The following CLASP1 variants were observed in gnomAD, a reference collection of about 807,000 sequenced individuals.
CLASP1 encodes the protein CLIP-associating protein 1.
A neutral mutation model predicts 192.3 loss-of-function variants in CLASP1; 38 were observed. That is an observed-to-expected ratio of 0.20 (90% CI 0.15 to 0.26). CLASP1 has a LOEUF of 0.26. Ranked by LOEUF, CLASP1 falls within the 10% of genes least tolerant of loss-of-function variation. CLASP1 has a pLI of 1.00. For synonymous variants in CLASP1, 691 were observed against 712.8 expected (o/e 0.97, Z 0.49); for missense variants, 1,433 against 1,932.5 (o/e 0.74, Z 4.85).
chr2:121,638,039 GA>G (rs1418597710), intron 1 of CLASP1, among the ~76,000 whole-genome samples: 2 of 152,160 alleles, frequency 1.3e-5, no homozygotes, highest in African/African-American at 4.8e-5. Flanking sequence ...CCCAGAGTGA[GA>G]AAATATTTGC....
exon 24 of CLASP1, chr2:121,410,930 G>A (rs1312396059): frequency 1.2e-6 from 2 of 1,611,406 alleles, no homozygotes; most frequent in Non-Finnish European, 1.7e-6. Context: ...GGCATTCACA[G>A]AACCAGGTAT....
At chr2:121,632,396 T>C (rs1434569938) in intron 1 of CLASP1, among the ~76,000 whole-genome samples, 1 of 152,120 alleles carries the variant, frequency 6.6e-6, no homozygotes, top group African/African-American at 2.4e-5. Flanking sequence ...TGTGCAAAAA[T>C]AATATATTAT....
intron 2 of CLASP1, among the ~76,000 whole-genome samples, chr2:121,550,095 T>C (rs2057896839): frequency 6.9e-6 from 1 of 144,710 alleles, no homozygotes; most frequent in Non-Finnish European, 1.5e-5. Context: ...ACCAAGAAAA[T>C]CACTGAAAAT....
chr2:121,493,642 C>T (rs1220714451), intron 8 of CLASP1, among the ~76,000 whole-genome samples: 3 of 151,830 alleles, frequency 2.0e-5, no homozygotes, highest in Non-Finnish European at 4.4e-5. Context: ...AAACAATCAA[C>T]AAAGTGTAAG....
intron 7 of CLASP1, among the ~76,000 whole-genome samples, chr2:121,504,360 C>G (rs2093871804): frequency 6.6e-6 from 1 of 152,192 alleles, no homozygotes; most frequent in Non-Finnish European, 1.5e-5. Flanking sequence ...ACACACCATC[C>G]TATCCTGCCA....
chr2:121,478,769 C>CA (rs2092086575), intron 8 of CLASP1, among the ~76,000 whole-genome samples: 1 of 78,336 alleles, frequency 1.3e-5, no homozygotes, highest in African/African-American at 6.5e-5. Flanking sequence ...ACACCACACA[C>CA]CCCACACACA....
intron 8 of CLASP1, among the ~76,000 whole-genome samples, chr2:121,478,729 C>CCA (rs770847103): frequency 1.1e-5 from 1 of 88,852 alleles, no homozygotes; most frequent in African/African-American, 4.3e-5. Context: ...CACACACACA[C>CCA]CACACACACA....
intron 8 of CLASP1, among the ~76,000 whole-genome samples, chr2:121,493,029 T>C (rs1482688846): frequency 6.6e-6 from 1 of 152,136 alleles, no homozygotes; most frequent in Non-Finnish European, 1.5e-5. Flanking sequence ...AAATTATATT[T>C]TAACAAAGCA....
At chr2:121,517,850 G>A (rs1205392633) in intron 6 of CLASP1, among the ~76,000 whole-genome samples, 1 of 101,316 alleles carries the variant, frequency 9.9e-6, no homozygotes, top group Admixed American at 1.3e-4. Flanking sequence ...GACAAAGCAA[G>A]ACTCAAGCTT....
chr2:121,602,756 T>C (rs186894943), intron 2 of CLASP1, among the ~76,000 whole-genome samples: 3 of 152,330 alleles, frequency 2.0e-5, no homozygotes, highest in African/African-American at 7.2e-5. Context: ...GATATCCATA[T>C]GCAGAAGAAT....
intron 26 of CLASP1, chr2:121,403,312 T>A (rs190213983): frequency 5.8e-4 from 246 of 425,834 alleles, no homozygotes; most frequent in African/African-American, 4.5e-3. Context: ...ATATCTTCTT[T>A]TCTATATCCC....
intron 24 of CLASP1, among the ~76,000 whole-genome samples, chr2:121,409,469 A>G (rs573354273): frequency 1.3e-5 from 2 of 152,320 alleles, no homozygotes; most frequent in Admixed American, 6.5e-5. Context: ...TTTGGACAAA[A>G]AGTAACAAGG....
chr2:121,598,124 T>C (rs868009000), intron 2 of CLASP1, among the ~76,000 whole-genome samples: 4 of 152,212 alleles, frequency 2.6e-5, no homozygotes, highest in African/African-American at 9.7e-5. Flanking sequence ...CCTTCCAGGA[T>C]TCCCATGGTC....
intron 8 of CLASP1, among the ~76,000 whole-genome samples, chr2:121,486,840 C>T (rs1021395182): frequency 1.2e-4 from 19 of 152,124 alleles, no homozygotes; most frequent in Non-Finnish European, 2.5e-4. Flanking sequence ...AATACCATAC[C>T]GCTACATACG....
intron 11 of CLASP1, among the ~76,000 whole-genome samples, chr2:121,460,354 A>G (rs113629571): frequency 1.3e-5 from 2 of 152,296 alleles, no homozygotes; most frequent in African/African-American, 4.8e-5. Context: ...CACATATACT[A>G]TAATTTCTGC....
chr2:121,509,060 T>C (rs1424304821), intron 7 of CLASP1, among the ~76,000 whole-genome samples: 3 of 152,204 alleles, frequency 2.0e-5, no homozygotes, highest in African/African-American at 7.2e-5. Flanking sequence ...AATATGTACA[T>C]TCCTTAATGG....
exon 7 of CLASP1, chr2:121,515,665 C>T: frequency 6.2e-7 from 1 of 1,613,378 alleles, no homozygotes; most frequent in Non-Finnish European, 8.5e-7. Flanking sequence ...CTGCACTCAC[C>T]GGGACTGTGG....
chr2:121,531,263 T>TA (rs1396855449), intron 2 of CLASP1, among the ~76,000 whole-genome samples: 1 of 152,186 alleles, frequency 6.6e-6, no homozygotes, highest in Non-Finnish European at 1.5e-5. Flanking sequence ...CAAGTTTCAA[T>TA]AGGAGACGAA....
In CLASP1 at chr2:121,531,522, G is replaced by A. The variant is rs534103134; in HGVS notation, c.196-1197C>T. On this transcript the variant is annotated intron_variant, in intron 2 of 39. Coordinates refer to ENST00000263710, the Ensembl canonical transcript of CLASP1. ...AGGCAGGAGAATGGCGTGAATCCGG[G>A]GGGGTGGAGCCTGCAGTGAGCAGAG... 3.3e-5 allele frequency among the ~76,000 whole-genome samples: 5 copies of A among 151,800 alleles called. No individual in the cohort carries two copies. In the South Asian group the frequency reaches 6.3e-4, roughly 19 times the overall value.
Sources: allele counts gnomAD v4.1 joint callset (sites outside exome capture counted in the v4.1 genomes callset), GRCh38; gene constraint gnomAD v4.1.1; transcripts MANE v1.5; gene names NCBI Gene and HGNC (gene_info 2026-07-23, HGNC 2026-07-21).